Variants in UBXN7 observed in about 807,000 individuals in gnomAD.
UBXN7 encodes the protein UBX domain-containing protein 7.
UBXN7 carries 9 observed loss-of-function variants against 58.0 expected under a neutral mutation model. The observed-to-expected ratio is 0.16, with a 90% CI of 0.09 to 0.27. The LOEUF is 0.27. Among genes scored for constraint, UBXN7 ranks in the 10% least tolerant of loss-of-function variants. The probability of loss-of-function intolerance (pLI) is 1.00; values close to 1 mark genes in which losing one functional copy is unlikely to be tolerated. For missense variants in UBXN7, 328 were observed against 599.6 expected, an observed-to-expected ratio of 0.55 and a Z score of 4.73; for synonymous variants, 208 against 205.0, an observed-to-expected ratio of 1.01 and a Z score of -0.12.
chr3:196,407,045 T>C (rs1262342100), intron 2 of UBXN7, among the ~76,000 whole-genome samples: 4 of 152,242 alleles, frequency 2.6e-5, no homozygotes, highest in Non-Finnish European at 5.9e-5. Flanking sequence ...GCCTACACGG[T>C]TCCTTTGAGG....
intron 3 of UBXN7, among the ~76,000 whole-genome samples, chr3:196,395,154 AATGATTAGTATC>A (rs2108847559): frequency 6.6e-6 from 1 of 152,320 alleles, no homozygotes; most frequent in Admixed American, 6.5e-5. Context: ...TCTGTTAATA[AATGATTAGTATC>A]AAGATTAGAC....
At chr3:196,414,123 G>A (rs1289168298) in intron 1 of UBXN7, among the ~76,000 whole-genome samples, 1 of 152,086 alleles carries the variant, frequency 6.6e-6, no homozygotes, top group East Asian at 1.9e-4. Context: ...CCAGGTAGCT[G>A]TTCTGTTGCC....
At chr3:196,375,362 A>G (rs369719205) in intron 5 of UBXN7, among the ~76,000 whole-genome samples, 6 of 62,012 alleles carry the variant, frequency 9.7e-5, no homozygotes, top group African/African-American at 3.1e-4. Flanking sequence ...CACACCTATA[A>G]TCCCACTGCC....
intron 5 of UBXN7, among the ~76,000 whole-genome samples, chr3:196,385,076 C>T (rs1260677381): frequency 6.6e-6 from 1 of 152,230 alleles, no homozygotes; most frequent in Non-Finnish European, 1.5e-5. Context: ...TGTACTGCCG[C>T]CATCTCGACT....
chr3:196,365,357 C>CA (rs1043980294), intron 8 of UBXN7, among the ~76,000 whole-genome samples: 17 of 149,326 alleles, frequency 1.1e-4, no homozygotes, highest in Middle Eastern at 3.5e-3. Context: ...TAGAGAAAAA[C>CA]AAAAAAAACC....
At chr3:196,381,089 C>G (rs1016057594) in intron 5 of UBXN7, among the ~76,000 whole-genome samples, 1 of 152,262 alleles carries the variant, frequency 6.6e-6, no homozygotes, top group Non-Finnish European at 1.5e-5. Flanking sequence ...CTTCTGCAGA[C>G]TTAAACGTCC....
intron 10 of UBXN7, 30 bp downstream of exon 10, chr3:196,361,814 G>C: frequency 6.3e-7 from 1 of 1,594,526 alleles, no homozygotes; most frequent in South Asian, 1.1e-5. Flanking sequence ...TGCAGTGGTC[G>C]GAACTGAACC....
chr3:196,402,535 A>G (rs1326470920), intron 3 of UBXN7, among the ~76,000 whole-genome samples: 1 of 152,200 alleles, frequency 6.6e-6, no homozygotes, highest in Non-Finnish European at 1.5e-5. Context: ...CCAGATTCAT[A>G]TCACAATTTT....
intron 1 of UBXN7, among the ~76,000 whole-genome samples, chr3:196,422,114 C>T (rs1458622408): frequency 2.0e-5 from 3 of 151,098 alleles, no homozygotes; most frequent in Admixed American, 6.6e-5. Context: ...GCAGGAGAAT[C>T]GCTTGAACCC....
chr3:196,405,832 AAT>A (rs1479940284), intron 2 of UBXN7, among the ~76,000 whole-genome samples: 1 of 152,226 alleles, frequency 6.6e-6, no homozygotes, highest in Non-Finnish European at 1.5e-5. Flanking sequence ...AATGTTAATC[AAT>A]TAGCAATACA....
chr3:196,366,708 C>T (rs918206914), intron 8 of UBXN7, among the ~76,000 whole-genome samples: 1 of 151,788 alleles, frequency 6.6e-6, no homozygotes, highest in African/African-American at 2.4e-5. Context: ...AGACAACATA[C>T]GGAGGCCTCC....
chr3:196,419,195 T>G lies in UBXN7; in HGVS notation c.74-11802A>C, dbSNP rs528291659. Among the ~76,000 whole-genome samples the G allele has an allele frequency of 1.1e-4, 17 of 152,202 alleles. No individual in the cohort carries two copies. In the South Asian group the frequency reaches 2.9e-3, roughly 26 times the overall value. ...GGGAGGCCGAGGTGGAAGAATCACT[T>G]GAACCCAGAAGGCGTAGGTTGCAGT... On this transcript the variant is annotated intron_variant, in intron 1 of 10. Transcript: ENST00000296328.
chr3:196,395,692 A>G (rs1326329372), intron 3 of UBXN7, among the ~76,000 whole-genome samples: 1 of 152,052 alleles, frequency 6.6e-6, no homozygotes, highest in Admixed American at 6.6e-5. Context: ...TCCTGGGCTC[A>G]AGGAATCCTC....
chr3:196,378,711 G>C (rs543397979), intron 5 of UBXN7, among the ~76,000 whole-genome samples: 11 of 152,296 alleles, frequency 7.2e-5, no homozygotes, highest in African/African-American at 2.4e-4. Flanking sequence ...GAGCAGTGAG[G>C]ATGACCAGGT....
chr3:196,380,770 C>T (rs1486873434), intron 5 of UBXN7, among the ~76,000 whole-genome samples: 5 of 152,232 alleles, frequency 3.3e-5, no homozygotes, highest in Non-Finnish European at 7.3e-5. Context: ...ACGGGGCACT[C>T]CCACCCAAAT....
intron 1 of UBXN7, among the ~76,000 whole-genome samples, chr3:196,408,903 A>G (rs1397183035): frequency 6.6e-6 from 1 of 152,168 alleles, no homozygotes; most frequent in Non-Finnish European, 1.5e-5. Flanking sequence ...TCCTCTTTGG[A>G]ATTCAATGGA....
rs980573892 is a variant in UBXN7, at chr3:196,347,793, A to G, written c.*8892T>C. ...TTGAGTTTGGTCCCTCTCTCAGCAC[A>G]GTGAGCTGATGTCTTCAAAAGACTT... On this transcript the variant is annotated 3_prime_UTR_variant, in exon 11 of 11. Coordinates refer to ENST00000296328, the MANE Select transcript of UBXN7 (RefSeq NM_015562.2). 2.6e-5 allele frequency: 4 copies of G among 152,172 alleles called. No individual in the cohort carries two copies. In the East Asian group the frequency reaches 7.7e-4, roughly 29 times the overall value. The allele number at this position is 152,172 out of a possible 1,614,324, so 9.4% of individuals were successfully genotyped here.
At chr3:196,403,220 C>G (rs1244641697) in intron 2 of UBXN7, among the ~76,000 whole-genome samples, 1 of 152,062 alleles carries the variant, frequency 6.6e-6, no homozygotes, top group Non-Finnish European at 1.5e-5. Flanking sequence ...TGGACCGACA[C>G]GATCTTGGCT....
chr3:196,408,521 T>C lies in UBXN7; in HGVS notation c.74-1128A>G, dbSNP rs140777595. Among the ~76,000 whole-genome samples, 195 of 152,298 alleles carry C rather than the reference T, an allele frequency of 1.3e-3. 2 individuals are homozygous for C. Among genetic ancestry groups the C allele is most frequent in the African/African-American group, 4.5e-3 (189 of 41,574 alleles). ...CTAGTGATAGAATGTAAATTGAACATTTTCTGGCCACTAAAAAGCACCTCA... is the reference window on the plus strand; with the variant it reads ...CTAGTGATAGAATGTAAATTGAACACTTTCTGGCCACTAAAAAGCACCTCA... On this transcript the variant is annotated intron_variant, in intron 1 of 10. Transcript: ENST00000296328.
Sources: allele counts gnomAD v4.1 joint callset (sites outside exome capture counted in the v4.1 genomes callset), GRCh38; gene constraint gnomAD v4.1.1; transcripts MANE v1.5; gene names NCBI Gene and HGNC (gene_info 2026-07-23, HGNC 2026-07-21).